Variants in DEGS1 observed in about 807,000 individuals in gnomAD.
The protein encoded by DEGS1 is delta 4-desaturase, sphingolipid 1, also known as sphingolipid delta(4)-desaturase DES1.
Under a neutral mutation model 24.1 loss-of-function variants are expected in DEGS1, and 17 were observed. The ratio of observed to expected loss-of-function variants is 0.70; its 90% CI spans 0.48 to 1.06. The LOEUF (loss-of-function observed/expected upper bound fraction) is 1.06. Among genes scored for constraint, DEGS1 ranks in the 50% least tolerant of loss-of-function variants. The probability of loss-of-function intolerance (pLI) is 0.00; values close to 1 mark genes in which losing one functional copy is unlikely to be tolerated. For synonymous variants in DEGS1, 134 were observed against 140.0 expected, an observed-to-expected ratio of 0.96 and a Z score of 0.30; for missense variants, 366 against 408.9, an observed-to-expected ratio of 0.90 and a Z score of 0.91.
At position 224,193,032 on chromosome 1, in the gene DEGS1, C is replaced by T. The variant is rs962958258; in HGVS notation, c.*554C>T. On this transcript the variant is annotated 3_prime_UTR_variant, in exon 3 of 3. Transcript: ENST00000323699. ...CCAAGATTGTGCCACTGCACTCCAC[C>T]CTGGGCAACAGAGCAAGACCCCATC... The T allele has an allele frequency of 3.9e-5, 6 of 152,112 alleles. No individual in the cohort carries two copies. Among genetic ancestry groups the T allele is most frequent in the Admixed American group, 3.9e-4 (6 of 15,258 alleles). The allele number at this position is 152,112 out of a possible 1,614,324, so 9.4% of individuals were successfully genotyped here.
At chr1:224,186,495 T>C (rs977446235) in intron 1 of DEGS1, among the ~76,000 whole-genome samples, 12 of 152,000 alleles carry the variant, frequency 7.9e-5, no homozygotes, top group East Asian at 5.8e-4. Flanking sequence ...GGGCGGATCA[T>C]GAGGTCAGGA....
rs1449072412 is a variant in DEGS1, at chr1:224,190,183, T to C, written c.689T>C (p.Ile230Thr). 2.7e-5 allele frequency: 43 copies of C among 1,572,696 alleles called. No individual in the cohort carries two copies. The highest frequency in any genetic ancestry group is 3.6e-5 in the Non-Finnish European group (42 of 1,162,718). ...LGLHPISGHF[I>T]AEHYMFLKGH... The stretch of plus-strand genomic sequence containing the variant: ...TTGCACCCAATTTCTGGACATTTTA[T>C]AGCTGAGCATTACATGTTCTTAAAG... The change falls in exon 2 of 3, where the codon ATA (isoleucine) becomes ACA (threonine). Residue 230 changes from isoleucine (I) to threonine (T), a missense_variant. Physicochemically the swap from Ile to Thr is moderately conservative, Grantham distance 89. Transcript: ENST00000323699.
At position 224,187,424 on chromosome 1, in the gene DEGS1, G is replaced by T. The variant is rs151037109; in HGVS notation, c.83-2153G>T. On this transcript the variant is annotated intron_variant, in intron 1 of 2. Transcript: ENST00000323699. ...GAGTCTCACTGTGTTGCCCAGGCTG[G>T]AGTGCAGTGGTGTGATCATAAATTC... Among the ~76,000 whole-genome samples the T allele has an allele frequency of 5.9e-5, 9 of 152,194 alleles. No homozygotes were observed. In the East Asian group the frequency reaches 1.7e-3, roughly 30 times the overall value.
intron 1 of DEGS1, among the ~76,000 whole-genome samples, chr1:224,187,866 T>C (rs1404719266): frequency 6.6e-6 from 1 of 152,188 alleles, no homozygotes; most frequent in Non-Finnish European, 1.5e-5. Context: ...CTTTGTGGCC[T>C]ATAGATTTGC....
intron 1 of DEGS1, chr1:224,183,687 C>T (rs930719728): frequency 2.0e-5 from 6 of 294,252 alleles, no homozygotes; most frequent in East Asian, 5.6e-5. Context: ...CGCGGGAGTC[C>T]CCGCCAGGCC....
rs901500580 is a variant in DEGS1 at position 224,192,678 on chromosome 1, A to G, written c.*200A>G. The G allele has an allele frequency of 9.6e-6, 5 of 519,344 alleles. No homozygotes were observed. In the Admixed American group the frequency reaches 2.1e-4, roughly 21 times the overall value. 32.2% of individuals were successfully genotyped at this position (519,344 alleles called of 1,614,324 possible). A position where few individuals can be genotyped will look rare whatever the true frequency, so the allele number is the denominator to read the frequency against. The stretch of plus-strand genomic sequence containing the variant: ...TACTGCTCAGTTTCACTCACAGGAA[A>G]CTTGTGACTTGTGTATTATCGTCAT... On this transcript the variant is annotated 3_prime_UTR_variant, in exon 3 of 3. Coordinates refer to ENST00000323699, the MANE Select transcript of DEGS1 (RefSeq NM_003676.4).
chr1:224,192,499 A>T lies in DEGS1; in HGVS notation c.*21A>T. 6.3e-7 allele frequency: 1 copy of T among 1,591,468 alleles called. No homozygotes were observed. Among genetic ancestry groups the T allele is most frequent in the Non-Finnish European group, 8.5e-7 (1 of 1,173,118 alleles). Reference sequence around the variant, plus strand: ...AGTAAATATCATTAGTGCCAAAGGGATTCTTCTCCAAAACTTTAGATGATA... The same window carrying T: ...AGTAAATATCATTAGTGCCAAAGGGTTTCTTCTCCAAAACTTTAGATGATA... On this transcript the variant is annotated 3_prime_UTR_variant, in exon 3 of 3. Coordinates refer to ENST00000323699, the MANE Select transcript of DEGS1 (RefSeq NM_003676.4).
chr1:224,186,599 A>C (rs181667848), intron 1 of DEGS1, among the ~76,000 whole-genome samples: 1 of 151,750 alleles, frequency 6.6e-6, no homozygotes, highest in Admixed American at 6.6e-5. Context: ...TGTAGTCCCA[A>C]CTACTCAGGA....
intron 2 of DEGS1, among the ~76,000 whole-genome samples, chr1:224,191,706 T>C (rs1405688227): frequency 7.0e-6 from 1 of 143,590 alleles, no homozygotes. Flanking sequence ...GCAATTCTCC[T>C]ATCTCAGCCT....
At chr1:224,187,406 A>G (rs58828252) in intron 1 of DEGS1, among the ~76,000 whole-genome samples, 4,689 of 152,178 alleles carry the variant, frequency 0.031, 230 homozygotes, top group African/African-American at 0.1. Flanking sequence ...AGAGAGTCTC[A>G]CTGTGTTGCC....
intron 2 of DEGS1, among the ~76,000 whole-genome samples, chr1:224,191,973 G>GA (rs1658547135): frequency 6.6e-6 from 1 of 152,180 alleles, no homozygotes; most frequent in African/African-American, 2.4e-5. Flanking sequence ...GGGATCAGAT[G>GA]TTGCCTTTAT....
chr1:224,189,407 CTAG>C (rs1329612527), intron 1 of DEGS1, among the ~76,000 whole-genome samples, 167 bp from the exon 2 acceptor site: 1 of 152,150 alleles, frequency 6.6e-6, no homozygotes, highest in Non-Finnish European at 1.5e-5. Flanking sequence ...CATAACTTTA[CTAG>C]TAGAATCCTT....
Position 224,189,574 on chromosome 1 carries a change from CA to C in DEGS1, c.83-2del. 1 of 1,557,146 alleles carries C rather than the reference CA, an allele frequency of 6.4e-7. No individual in the cohort carries two copies. The highest frequency in any genetic ancestry group is 8.7e-7 in the Non-Finnish European group (1 of 1,155,646). On this transcript the variant is annotated splice_acceptor_variant, in intron 1 of 2. Coordinates refer to ENST00000323699, the MANE Select transcript of DEGS1 (RefSeq NM_003676.4). LOFTEE classifies it high-confidence loss of function. ...TTCCTGTTTTTTTGTTTTTTCTTTA[CA>C]GCAAAGTATCCAGAGATAAAGTCCT... is the stretch of plus-strand genomic sequence containing the variant.
rs1479844673 is a variant in DEGS1, at chr1:224,193,330, G to C, written c.*852G>C. 6.6e-6 allele frequency: 1 copy of C among 152,136 alleles called. No homozygotes were observed. The highest frequency in any genetic ancestry group is 1.5e-5 in the Non-Finnish European group (1 of 68,032). The allele number at this position is 152,136 out of a possible 1,614,324, so 9.4% of individuals were successfully genotyped here. On this transcript the variant is annotated 3_prime_UTR_variant, in exon 3 of 3. Transcript: ENST00000323699. ...ATGAAAATATATTTCCCTGTAAGCT[G>C]AATTACTCATTTAAAAATTTTAACT...
At chr1:224,184,894 G>A (rs1321463003) in intron 1 of DEGS1, among the ~76,000 whole-genome samples, 1 of 151,808 alleles carries the variant, frequency 6.6e-6, no homozygotes, top group Non-Finnish European at 1.5e-5. Context: ...TAGCACTTCG[G>A]GAGGCTGAGG....
chr1:224,191,524 G>GT (rs1244807014), intron 2 of DEGS1, among the ~76,000 whole-genome samples: 1 of 147,500 alleles, frequency 6.8e-6, no homozygotes, highest in Non-Finnish European at 1.5e-5. Context: ...CATCCAGATA[G>GT]TTTTTTAACT....
At position 224,189,748 on chromosome 1, in the gene DEGS1, C is replaced by G; in HGVS notation, c.254C>G (p.Thr85Ser). Reference protein sequence around the residue: ...AFGSCINHSMTLAIHEIAHNA... With the variant: ...AFGSCINHSMSLAIHEIAHNA... Reference sequence around the variant, plus strand: ...GGCAGTTGCATTAACCACTCAATGACTCTGGCTATTCATGAGATTGCCCAC... The same window carrying G: ...GGCAGTTGCATTAACCACTCAATGAGTCTGGCTATTCATGAGATTGCCCAC... The change falls in exon 2 of 3, where the codon ACT becomes AGT. Residue 85 changes from threonine to serine, a missense_variant. Transcript: ENST00000323699. The G allele has an allele frequency of 1.2e-6, 2 of 1,614,196 alleles. No homozygotes were observed. Among genetic ancestry groups the G allele is most frequent in the South Asian group, 2.2e-5 (2 of 91,088 alleles).
Position 224,183,379 on chromosome 1 carries a change from A to G in DEGS1, c.43A>G (p.Thr15Ala), listed in dbSNP as rs1230716546. The change falls in exon 1 of 3, where the codon ACC becomes GCC. Residue 15 changes from threonine (T) to alanine (A), a missense_variant. Coordinates refer to ENST00000323699, the MANE Select transcript of DEGS1 (RefSeq NM_003676.4). ...VSREDFEWVY[T>A]DQPHADRRRE... ...GCGGGAAGACTTCGAGTGGGTCTAC[A>G]CCGACCAGCCGCACGCCGACCGGCG... is the stretch of plus-strand genomic sequence containing the variant. 2 of 1,448,620 alleles carry G rather than the reference A, an allele frequency of 1.4e-6. No homozygotes were observed. The highest frequency in any genetic ancestry group is 2.5e-5 in the Admixed American group (1 of 39,702). The allele number at this position is 1,448,620 out of a possible 1,614,324, so 89.7% of individuals were successfully genotyped here. A position where few individuals can be genotyped will look rare whatever the true frequency, so the allele number is the denominator to read the frequency against.
chr1:224,184,952 TAGTG>T (rs1444820169), intron 1 of DEGS1, among the ~76,000 whole-genome samples: 3 of 148,222 alleles, frequency 2.0e-5, no homozygotes, highest in East Asian at 4.0e-4. Context: ...CTGAGTAACA[TAGTG>T]AGAGCCCCCC....
Sources: gnomAD v4.1 joint callset for allele counts (sites outside exome capture counted in the v4.1 genomes callset) on GRCh38, gnomAD v4.1.1 for gene constraint, MANE v1.5 for transcripts, NCBI Gene and HGNC (gene_info 2026-07-23, HGNC 2026-07-21) for gene names.